Variants in KRAS observed in about 807,000 individuals in gnomAD.
The protein encoded by KRAS is KRas proto-oncogene, GTPase.
KRAS carries 1 observed loss-of-function variant against 21.0 expected under a neutral mutation model. That is an observed-to-expected ratio of 0.05 (90% confidence interval 0.02 to 0.23). The LOEUF is 0.23. Among genes scored for constraint, KRAS ranks in the 10% least tolerant of loss-of-function variants. The probability of loss-of-function intolerance (pLI) is 1.00; values close to 1 mark genes in which losing one functional copy is unlikely to be tolerated. For missense variants in KRAS, 107 were observed against 221.8 expected (o/e 0.48, Z 3.29); for synonymous variants, 67 against 72.5 (o/e 0.92, Z 0.39).
intron 2 of KRAS, among the ~76,000 whole-genome samples, chr12:25,228,178 C>CTTTTTT (rs34584556): frequency 3.5e-4 from 27 of 76,760 alleles, no homozygotes; most frequent in African/African-American, 5.6e-4. Flanking sequence ...TTTCTTTCAT[C>CTTTTTT]TTTTTTTTTT....
chr12:25,243,167 C>A (rs1951632377), intron 2 of KRAS, among the ~76,000 whole-genome samples: 1 of 152,116 alleles, frequency 6.6e-6, no homozygotes, highest in African/African-American at 2.4e-5. Context: ...TTTACAATAA[C>A]ATGGAGTCAG....
chr12:25,236,016 C>T (rs1294072995), intron 2 of KRAS, among the ~76,000 whole-genome samples: 1 of 152,130 alleles, frequency 6.6e-6, no homozygotes, highest in Non-Finnish European at 1.5e-5. Context: ...TGCTCACCTC[C>T]TTCCGGCTGT....
chr12:25,240,474 A>G (rs1017196417), intron 2 of KRAS, among the ~76,000 whole-genome samples: 13 of 152,244 alleles, frequency 8.5e-5, no homozygotes, highest in African/African-American at 3.1e-4. Context: ...TTGAACCCAC[A>G]TGAATGAACT....
intron 4 of KRAS, among the ~76,000 whole-genome samples, chr12:25,220,684 G>A (rs897501306): frequency 2.7e-5 from 4 of 147,224 alleles, no homozygotes; most frequent in Non-Finnish European, 3.0e-5. Flanking sequence ...CCAGGATCGC[G>A]CCACTGCACT....
chr12:25,240,232 G>A (rs2135799985), intron 2 of KRAS, among the ~76,000 whole-genome samples: 1 of 152,124 alleles, frequency 6.6e-6, no homozygotes, highest in African/African-American at 2.4e-5. Context: ...AATAATAATG[G>A]TTAAGAGACG....
At chr12:25,240,776 C>T (rs1294193598) in intron 2 of KRAS, among the ~76,000 whole-genome samples, 1 of 152,014 alleles carries the variant, frequency 6.6e-6, no homozygotes. Context: ...TTTATAAAAA[C>T]CCAAGGTAGA....
chr12:25,229,469 T>A (rs796853502), intron 2 of KRAS, among the ~76,000 whole-genome samples: 2 of 152,160 alleles, frequency 1.3e-5, no homozygotes, highest in African/African-American at 4.8e-5. Context: ...AGGGGCCTCT[T>A]TTTTCTTTTC....
intron 2 of KRAS, 89 bp from the exon 3 acceptor site, chr12:25,227,501 A>C: frequency 8.2e-7 from 1 of 1,215,632 alleles, no homozygotes; most frequent in Non-Finnish European, 1.2e-6. Flanking sequence ...CAAAAAATTC[A>C]ATTTAAAAAT....
intron 2 of KRAS, among the ~76,000 whole-genome samples, chr12:25,243,587 A>G (rs1000945289): frequency 1.3e-5 from 2 of 152,174 alleles, no homozygotes; most frequent in African/African-American, 4.8e-5. Context: ...ATATACTCAT[A>G]TAGCACTCAT....
intron 4 of KRAS, among the ~76,000 whole-genome samples, chr12:25,218,451 T>C (rs1951279607): frequency 6.6e-6 from 1 of 152,122 alleles, no homozygotes; most frequent in South Asian, 2.1e-4. Flanking sequence ...TGGAAGCCAA[T>C]AATTAAAAAG....
At chr12:25,217,506 CATT>C (rs1194251061) in intron 4 of KRAS, among the ~76,000 whole-genome samples, 1 of 146,190 alleles carries the variant, frequency 6.8e-6, no homozygotes, top group African/African-American at 2.4e-5. Context: ...TAACAAAAAT[CATT>C]ATATTCTAAG....
intron 4 of KRAS, among the ~76,000 whole-genome samples, chr12:25,212,236 C>T (rs1951206609): frequency 6.6e-6 from 1 of 152,064 alleles, no homozygotes; most frequent in Non-Finnish European, 1.5e-5. Context: ...ATTTCTACTA[C>T]TTTTACAATG....
Position 25,235,956 on chromosome 12 carries a change from C to A in KRAS, c.112-8544G>T, listed in dbSNP as rs147410906. Among the ~76,000 whole-genome samples the A allele has an allele frequency of 4.1e-3, 628 of 152,260 alleles. 3 individuals carry two copies. The highest frequency in any genetic ancestry group is 5.0e-3 in the Non-Finnish European group (342 of 68,006). ...TGGGCAGTTCACAACACGGTTCACG[C>A]TCCTATTAGAATCTAATGCTGCCGA... On this transcript the variant is annotated intron_variant, in intron 2 of 4. Coordinates refer to ENST00000311936, the MANE Select transcript of KRAS (RefSeq NM_004985.5).
chr12:25,224,636 A>T lies in KRAS; in HGVS notation c.450+978T>A, dbSNP rs61762412. ...GAAATTTAAAAAAATATATAAACTT[A>T]GGGTAGCCCAAGTGTAGGTTTAGAC... On this transcript the variant is annotated intron_variant, in intron 4 of 4. Transcript: ENST00000311936. Among the ~76,000 whole-genome samples, 200 of 152,294 alleles carry T rather than the reference A, an allele frequency of 1.3e-3. 2 individuals are homozygous for T. Among genetic ancestry groups the T allele is most frequent in the African/African-American group, 4.6e-3 (191 of 41,570 alleles).
intron 2 of KRAS, among the ~76,000 whole-genome samples, chr12:25,231,887 A>G (rs925263545): frequency 6.6e-6 from 1 of 152,208 alleles, no homozygotes; most frequent in African/African-American, 2.4e-5. Flanking sequence ...ATGGATAAAT[A>G]TAAAGAGAAA....
At position 25,208,533 on chromosome 12, in the gene KRAS, CA is replaced by C. The variant is rs1342395895; in HGVS notation, c.*1261del. The C allele has an allele frequency of 2.6e-5, 6 of 232,962 alleles. No homozygotes were observed. The highest frequency in any genetic ancestry group is 1.2e-3 in the Middle Eastern group (1 of 808). The allele number at this position is 232,962 out of a possible 1,614,324, so 14.4% of individuals were successfully genotyped here. A position where few individuals can be genotyped will look rare whatever the true frequency, so the allele number is the denominator to read the frequency against. Reference sequence around the variant, plus strand: ...AAAAAAAATTAATGTCTTGGCACACCACCACCCCAAAATCTCAACTTTTGAG... The same window carrying C: ...AAAAAAAATTAATGTCTTGGCACACCCCACCCCAAAATCTCAACTTTTGAG... On this transcript the variant is annotated 3_prime_UTR_variant, in exon 5 of 5. Coordinates refer to ENST00000311936, the MANE Select transcript of KRAS (RefSeq NM_004985.5).
chr12:25,223,898 A>G (rs1951357591), intron 4 of KRAS, among the ~76,000 whole-genome samples: 1 of 152,168 alleles, frequency 6.6e-6, no homozygotes, highest in South Asian at 2.1e-4. Context: ...AAAGCCCTAA[A>G]CAAATTGATG....
At chr12:25,240,632 G>A (rs146068107) in intron 2 of KRAS, among the ~76,000 whole-genome samples, 2 of 152,116 alleles carry the variant, frequency 1.3e-5, no homozygotes, top group Non-Finnish European at 2.9e-5. Flanking sequence ...GGGCAGTGAA[G>A]AACATTTCTA....
In KRAS at chr12:25,206,352, C is replaced by T. The variant is rs1271995027; in HGVS notation, c.*3443G>A. 2 of 206,894 alleles carry T rather than the reference C, an allele frequency of 9.7e-6. No homozygotes were observed. The highest frequency in any genetic ancestry group is 1.5e-4 in the East Asian group (2 of 13,208). 12.8% of individuals were successfully genotyped at this position (206,894 alleles called of 1,614,324 possible). On this transcript the variant is annotated 3_prime_UTR_variant, in exon 5 of 5. Coordinates refer to ENST00000311936, the MANE Select transcript of KRAS (RefSeq NM_004985.5). ...AATATACGTCTGCTATATTCTTCCA[C>T]AAACATGTTAATGCCTAAGTCTATG...
Sources: gnomAD v4.1 joint callset for allele counts (sites outside exome capture counted in the v4.1 genomes callset) on GRCh38, gnomAD v4.1.1 for gene constraint, MANE v1.5 for transcripts, NCBI Gene and HGNC (gene_info 2026-07-23, HGNC 2026-07-21) for gene names.